The following INTU variants were observed in gnomAD, a reference collection of about 807,000 sequenced individuals.
The protein encoded by INTU is inturned planar cell polarity protein, also known as protein inturned.
INTU carries 68 observed loss-of-function variants against 100.5 expected under a neutral mutation model. That is an observed-to-expected ratio of 0.68 (90% confidence interval 0.56 to 0.83). INTU has a LOEUF of 0.83. INTU is among the 40% of genes least tolerant of loss of function. The probability of loss-of-function intolerance (pLI) is 0.00; values close to 1 mark genes in which losing one functional copy is unlikely to be tolerated. For synonymous variants in INTU, 357 were observed against 395.7 expected, an observed-to-expected ratio of 0.90 and a Z score of 1.16; for missense variants, 1,071 against 1,114.7, an observed-to-expected ratio of 0.96 and a Z score of 0.56.
intron 8 of INTU, 137 bp from the exon 9 acceptor site, chr4:127,699,873 C>T (rs1407464372): frequency 2.1e-5 from 11 of 533,636 alleles, no homozygotes; most frequent in African/African-American, 1.2e-4. Flanking sequence ...CATTTTGAGA[C>T]ATTTCCTAAG....
At chr4:127,712,599 T>C (rs1452645345) in intron 14 of INTU, among the ~76,000 whole-genome samples, 1 of 152,154 alleles carries the variant, frequency 6.6e-6, no homozygotes, top group Non-Finnish European at 1.5e-5. Flanking sequence ...TAGAAAATAG[T>C]ATGCTGAGAA....
At position 127,682,343 on chromosome 4, in the gene INTU, T is replaced by C. The variant is rs1729609734; in HGVS notation, c.1182-2066T>C. On this transcript the variant is annotated intron_variant, in intron 6 of 15. Coordinates refer to ENST00000335251, the MANE Select transcript of INTU (RefSeq NM_015693.4). ...AGCACTATTCACAATAGCAAAGACT[T>C]GGAACCAACCCAAATGTCCAACAAT... is the stretch of plus-strand genomic sequence containing the variant. 2.0e-5 allele frequency among the ~76,000 whole-genome samples: 3 copies of C among 152,008 alleles called. No individual in the cohort carries two copies. The South Asian group carries it at 6.2e-4, about 32-fold the overall frequency.
At chr4:127,646,628 C>G (rs1278404484) in intron 2 of INTU, among the ~76,000 whole-genome samples, 1 of 152,166 alleles carries the variant, frequency 6.6e-6, no homozygotes. Context: ...AGAAGCTCCC[C>G]CTCACCTCTG....
chr4:127,658,219 C>T (rs150129287), intron 3 of INTU, among the ~76,000 whole-genome samples: 66 of 152,350 alleles, frequency 4.3e-4, no homozygotes, highest in African/African-American at 1.4e-3. Flanking sequence ...CACACACACA[C>T]ACAGATGCTC....
At chr4:127,710,847 T>C (rs1009463913) in intron 13 of INTU, 66 bp from the exon 14 acceptor site, 7 of 982,846 alleles carry the variant, frequency 7.1e-6, no homozygotes, top group Non-Finnish European at 9.9e-6. Context: ...AAATTCAAAA[T>C]GAACCAATAT....
rs1731370519 is a variant in INTU, at chr4:127,723,132, G to A, written c.*6696G>A. ...TGGGAAAAGCCTGGTTTTCAGGGAG[G>A]GGAAGCAAAATCCTTCACCATCTCC... On this transcript the variant is annotated 3_prime_UTR_variant, in exon 16 of 16. Coordinates refer to ENST00000335251, the MANE Select transcript of INTU (RefSeq NM_015693.4). 2 of 152,182 alleles carry A rather than the reference G, an allele frequency of 1.3e-5. No homozygotes were observed. Among genetic ancestry groups the A allele is most frequent in the Admixed American group, 1.3e-4 (2 of 15,272 alleles). 9.4% of individuals were successfully genotyped at this position (152,182 alleles called of 1,614,324 possible). A position where few individuals can be genotyped will look rare whatever the true frequency, so the allele number is the denominator to read the frequency against.
chr4:127,708,067 A>G (rs1362431839), intron 12 of INTU, among the ~76,000 whole-genome samples: 2 of 152,242 alleles, frequency 1.3e-5, no homozygotes, highest in Non-Finnish European at 2.9e-5. Flanking sequence ...CATCAGTACC[A>G]TACCTATTAT....
chr4:127,665,125 A>C (rs2126201808), intron 4 of INTU, among the ~76,000 whole-genome samples: 1 of 151,372 alleles, frequency 6.6e-6, no homozygotes, highest in South Asian at 2.1e-4. Flanking sequence ...TATTGTCATC[A>C]ATATTTTAGT....
At chr4:127,681,041 AC>A (rs1729515270) in intron 6 of INTU, among the ~76,000 whole-genome samples, 1 of 151,696 alleles carries the variant, frequency 6.6e-6, no homozygotes, top group Admixed American at 6.6e-5. Flanking sequence ...AATCCAACTT[AC>A]AAGGGATGTG....
intron 2 of INTU, among the ~76,000 whole-genome samples, chr4:127,655,670 C>T (rs1450061395): frequency 6.6e-6 from 1 of 151,168 alleles, no homozygotes; most frequent in Non-Finnish European, 1.5e-5. Context: ...TTACTGCTGT[C>T]TTTTTGTTTG....
intron 1 of INTU, among the ~76,000 whole-genome samples, chr4:127,640,590 T>TATAC (rs1727284276): frequency 8.3e-5 from 2 of 23,962 alleles, no homozygotes; most frequent in South Asian, 1.8e-3. Flanking sequence ...TATATATATA[T>TATAC]ACATATACAT....
chr4:127,648,255 G>A (rs1195843331), intron 2 of INTU, among the ~76,000 whole-genome samples: 5 of 152,124 alleles, frequency 3.3e-5, no homozygotes, highest in Non-Finnish European at 7.4e-5. Flanking sequence ...GCAAAGGTGC[G>A]ATGTCCGGGA....
In INTU at chr4:127,717,194, G is replaced by A. The variant is rs1040985481; in HGVS notation, c.*758G>A. On this transcript the variant is annotated 3_prime_UTR_variant, in exon 16 of 16. Transcript: ENST00000335251. Reference sequence around the variant, plus strand: ...GCATTGTTCCCCTCCCTTTGTCCATGTGTTCTCATGGTCAGCTCCCACTTA... The same window carrying A: ...GCATTGTTCCCCTCCCTTTGTCCATATGTTCTCATGGTCAGCTCCCACTTA... 2 of 152,036 alleles carry A rather than the reference G, an allele frequency of 1.3e-5. No individual in the cohort carries two copies. The highest frequency in any genetic ancestry group is 2.9e-5 in the Non-Finnish European group (2 of 68,014). 9.4% of individuals were successfully genotyped at this position (152,036 alleles called of 1,614,324 possible).
chr4:127,685,446 A>G (rs1168011612), intron 7 of INTU: 1 of 455,798 alleles, frequency 2.2e-6, no homozygotes, highest in Non-Finnish European at 4.4e-6. Context: ...TTACAGTATC[A>G]TGAAGGAATT....
intron 2 of INTU, among the ~76,000 whole-genome samples, chr4:127,649,507 CA>C (rs1727736857): frequency 6.6e-6 from 1 of 151,162 alleles, no homozygotes; most frequent in East Asian, 1.9e-4. Context: ...GAAGTGCTTC[CA>C]ATTTTTTTTT....
intron 2 of INTU, among the ~76,000 whole-genome samples, chr4:127,650,779 C>G (rs1306472009): frequency 6.6e-6 from 1 of 151,564 alleles, no homozygotes; most frequent in Non-Finnish European, 1.5e-5. Context: ...AGTTCTAGAT[C>G]CCTGAGGAAT....
chr4:127,715,050 A>G (rs550681579), intron 15 of INTU, among the ~76,000 whole-genome samples: 7 of 152,168 alleles, frequency 4.6e-5, no homozygotes, highest in African/African-American at 1.7e-4. Flanking sequence ...TCTTATATAT[A>G]TGTGTGTGTA....
intron 6 of INTU, among the ~76,000 whole-genome samples, chr4:127,677,741 G>A (rs970212164): frequency 4.6e-5 from 7 of 152,230 alleles, no homozygotes; most frequent in African/African-American, 1.2e-4. Flanking sequence ...ACGGAACACA[G>A]CTGGACGGAG....
At chr4:127,682,620 A>T (rs1729629606) in intron 6 of INTU, among the ~76,000 whole-genome samples, 1 of 148,356 alleles carries the variant, frequency 6.7e-6, no homozygotes, top group South Asian at 2.2e-4. Flanking sequence ...GGGGAGGGAT[A>T]GCTTTAGGAG....
Sources: allele counts gnomAD v4.1 joint callset (sites outside exome capture counted in the v4.1 genomes callset), GRCh38; gene constraint gnomAD v4.1.1; transcripts MANE v1.5; gene names NCBI Gene and HGNC (gene_info 2026-07-23, HGNC 2026-07-21).